The following SNTG2 variants were observed in gnomAD, a reference collection of about 807,000 sequenced individuals.
SNTG2 encodes the protein syntrophin gamma 2, also known as gamma-2-syntrophin.
Under a neutral mutation model 70.9 loss-of-function variants are expected in SNTG2, and 74 were observed. The observed-to-expected ratio is 1.04, with a 90% CI of 0.86 to 1.27. SNTG2 has a LOEUF of 1.27. SNTG2 is among the 50% of genes most tolerant of loss of function. The probability of loss-of-function intolerance (pLI) is 0.00; values close to 1 mark genes in which losing one functional copy is unlikely to be tolerated. For missense variants in SNTG2, 717 were observed against 690.7 expected (o/e 1.04, Z -0.43); for synonymous variants, 278 against 273.8 (o/e 1.02, Z -0.15).
chr2:1,320,536 A>G (rs1301724489), intron 16 of SNTG2, among the ~76,000 whole-genome samples: 2 of 42,862 alleles, frequency 4.7e-5, no homozygotes, highest in Non-Finnish European at 1.1e-4. Flanking sequence ...CTCCTTCTCA[A>G]AAAAAAAAAA....
intron 6 of SNTG2, chr2:1,158,495 G>C (rs1670048664): frequency 6.7e-6 from 1 of 149,346 alleles, no homozygotes; most frequent in African/African-American, 2.5e-5. Context: ...TTCTGTAAAA[G>C]AGAAGAAGTG....
intron 9 of SNTG2, among the ~76,000 whole-genome samples, chr2:1,209,571 C>T (rs760348377): frequency 6.6e-6 from 1 of 152,182 alleles, no homozygotes; most frequent in African/African-American, 2.4e-5. Context: ...TTGTCCAAGT[C>T]TCAGATGTTT....
At chr2:1,355,789 A>T (rs1015389110) in intron 16 of SNTG2, among the ~76,000 whole-genome samples, 39 of 151,962 alleles carry the variant, frequency 2.6e-4, no homozygotes, top group Middle Eastern at 3.2e-3. Context: ...GCACCAATTT[A>T]CCTTTCCACC....
At chr2:1,114,259 A>C (rs1197268640) in intron 4 of SNTG2, among the ~76,000 whole-genome samples, 2 of 151,758 alleles carry the variant, frequency 1.3e-5, no homozygotes, top group African/African-American at 4.8e-5. Context: ...CAGTCCTTTG[A>C]GGAGGATCGT....
At chr2:1,355,533 T>A (rs1660802042) in intron 16 of SNTG2, among the ~76,000 whole-genome samples, 2 of 152,234 alleles carry the variant, frequency 1.3e-5, no homozygotes. Flanking sequence ...GTATCCTTTT[T>A]TAAGGCTGAA....
At chr2:1,119,350 G>A (rs886835202) in intron 4 of SNTG2, among the ~76,000 whole-genome samples, 4 of 152,140 alleles carry the variant, frequency 2.6e-5, no homozygotes, top group African/African-American at 4.8e-5. Flanking sequence ...CCAAACTCAC[G>A]GGTAGAAGGA....
chr2:1,069,163 G>A lies in SNTG2; in HGVS notation c.73-14355G>A, dbSNP rs182771043. Among the ~76,000 whole-genome samples, 1,046 of 152,224 alleles carry A rather than the reference G, an allele frequency of 6.9e-3. 7 individuals carry two copies. Among genetic ancestry groups the A allele is most frequent in the Non-Finnish European group, 0.01 (706 of 68,010 alleles). On this transcript the variant is annotated intron_variant, in intron 1 of 16. Transcript: ENST00000308624. ...AAGTCTATGTTTTGGTCTTATCTCT[G>A]ATATTTTATAAGATGCTAAGCACCT... is the stretch of plus-strand genomic sequence containing the variant.
chr2:1,257,709 G>A (rs887038932), intron 12 of SNTG2, among the ~76,000 whole-genome samples: 1 of 152,202 alleles, frequency 6.6e-6, no homozygotes, highest in African/African-American at 2.4e-5. Flanking sequence ...CACGATGACA[G>A]CGGTGAAAAC....
chr2:1,074,923 G>A (rs1663819396), intron 1 of SNTG2, among the ~76,000 whole-genome samples: 1 of 152,154 alleles, frequency 6.6e-6, no homozygotes, highest in African/African-American at 2.4e-5. Flanking sequence ...TTTTGAATCA[G>A]TTTTACGTGT....
At chr2:1,017,479 C>G (rs1426724963) in intron 1 of SNTG2, among the ~76,000 whole-genome samples, 1 of 152,198 alleles carries the variant, frequency 6.6e-6, no homozygotes, top group Admixed American at 6.5e-5. Context: ...AATGCACATG[C>G]ATGCACACAT....
intron 2 of SNTG2, among the ~76,000 whole-genome samples, chr2:1,090,096 C>T (rs1664927028): frequency 1.3e-5 from 2 of 152,104 alleles, no homozygotes; most frequent in South Asian, 4.1e-4. Flanking sequence ...AATGGAATGC[C>T]ATTAGGTGCT....
intron 6 of SNTG2, among the ~76,000 whole-genome samples, chr2:1,143,893 C>T (rs890707866): frequency 6.9e-6 from 1 of 144,506 alleles, no homozygotes; most frequent in African/African-American, 2.7e-5. Context: ...CAACCCCCCC[C>T]CAGAAAAAGA....
chr2:1,299,048 T>G (rs1206901532), intron 14 of SNTG2, among the ~76,000 whole-genome samples: 2 of 152,314 alleles, frequency 1.3e-5, no homozygotes, highest in South Asian at 2.1e-4. Context: ...AGTTAATATT[T>G]AATAAACTCC....
At position 1,005,838 on chromosome 2, in the gene SNTG2, T is replaced by A. The variant is rs1364093238; in HGVS notation, c.72+54770T>A. 2.8e-4 allele frequency among the ~76,000 whole-genome samples: 5 copies of A among 17,588 alleles called. 1 individual carries two copies. In the East Asian group the frequency reaches 3.8e-3, roughly 13 times the overall value. 11.5% of individuals were successfully genotyped at this position (17,588 alleles called of 152,430 possible). A position where few individuals can be genotyped will look rare whatever the true frequency, so the allele number is the denominator to read the frequency against. On this transcript the variant is annotated intron_variant, in intron 1 of 16. Coordinates refer to ENST00000308624, the MANE Select transcript of SNTG2 (RefSeq NM_018968.4). ...ATATATATATATATATATATATATATATATATATATATATATATATATATA... is the reference window on the plus strand; with the variant it reads ...ATATATATATATATATATATATATAAATATATATATATATATATATATATA...
intron 1 of SNTG2, among the ~76,000 whole-genome samples, chr2:1,059,969 G>A (rs1374055408): frequency 6.6e-6 from 1 of 152,044 alleles, no homozygotes; most frequent in Non-Finnish European, 1.5e-5. Context: ...AAAGTGGCAT[G>A]GCAGATCACT....
chr2:1,141,345 G>C (rs192850948), intron 6 of SNTG2, among the ~76,000 whole-genome samples: 4 of 152,332 alleles, frequency 2.6e-5, no homozygotes, highest in Admixed American at 2.0e-4. Flanking sequence ...CACAAAGTAT[G>C]CTATTGCCAT....
chr2:1,071,742 A>G (rs1204937759), intron 1 of SNTG2, among the ~76,000 whole-genome samples: 1 of 152,214 alleles, frequency 6.6e-6, no homozygotes, highest in Non-Finnish European at 1.5e-5. Context: ...GCAACAAACA[A>G]GTAGTCAGGT....
chr2:1,064,052 T>A (rs1662995930), intron 1 of SNTG2, among the ~76,000 whole-genome samples: 1 of 152,074 alleles, frequency 6.6e-6, no homozygotes, highest in African/African-American at 2.4e-5. Context: ...ATTAAAAAGA[T>A]AAAATACTTA....
At chr2:972,317 T>C (rs1328299387) in intron 1 of SNTG2, among the ~76,000 whole-genome samples, 1 of 152,210 alleles carries the variant, frequency 6.6e-6, no homozygotes, top group Non-Finnish European at 1.5e-5. Context: ...GGTGCTCCTG[T>C]GTTGAGTCCA....
Sources: gnomAD v4.1 joint callset for allele counts (sites outside exome capture counted in the v4.1 genomes callset) on GRCh38, gnomAD v4.1.1 for gene constraint, MANE v1.5 for transcripts, NCBI Gene and HGNC (gene_info 2026-07-23, HGNC 2026-07-21) for gene names.